Variants in KCNAB1 observed in about 807,000 individuals in gnomAD.
KCNAB1 encodes the protein potassium voltage-gated channel subfamily A regulatory beta subunit 1, also known as voltage-gated potassium channel subunit beta-1.
KCNAB1 carries 35 observed loss-of-function variants against 64.6 expected under a neutral mutation model. The observed-to-expected ratio is 0.54, with a 90% CI of 0.41 to 0.72. The LOEUF (loss-of-function observed/expected upper bound fraction) is 0.72, where lower values mean the gene tolerates loss of function less well. Among genes scored for constraint, KCNAB1 ranks in the 30% least tolerant of loss-of-function variants. The probability of loss-of-function intolerance (pLI) is 0.00; values close to 1 mark genes in which losing one functional copy is unlikely to be tolerated. For synonymous variants in KCNAB1, 177 were observed against 183.8 expected, an observed-to-expected ratio of 0.96 and a Z score of 0.30; for missense variants, 401 against 512.9, an observed-to-expected ratio of 0.78 and a Z score of 2.11.
chr3:156,118,844 G>A (rs910793828), upstream of KCNAB1, among the ~76,000 whole-genome samples: 153 of 152,260 alleles, frequency 1.0e-3, no homozygotes, highest in African/African-American at 2.6e-3. Flanking sequence ...TCTACACTTC[G>A]GGGAGTCTAG....
chr3:156,147,937 C>T (rs1033310392), intron 1 of KCNAB1, among the ~76,000 whole-genome samples: 3 of 72,358 alleles, frequency 4.1e-5, no homozygotes, highest in African/African-American at 1.8e-4. Context: ...CACCACATGC[C>T]AAGACACACA....
At chr3:156,466,116 T>G (rs1260613237) in intron 7 of KCNAB1, among the ~76,000 whole-genome samples, 1 of 152,080 alleles carries the variant, frequency 6.6e-6, no homozygotes, top group Non-Finnish European at 1.5e-5. Context: ...TTATACCCAC[T>G]AGAAGACACT....
At chr3:156,514,728 A>T (rs957997463) in intron 9 of KCNAB1, among the ~76,000 whole-genome samples, 1 of 152,222 alleles carries the variant, frequency 6.6e-6, no homozygotes, top group Non-Finnish European at 1.5e-5. Context: ...CTTATAAAAA[A>T]CTGTATTAAC....
intron 7 of KCNAB1, among the ~76,000 whole-genome samples, chr3:156,473,346 C>G (rs1384011788): frequency 6.6e-6 from 1 of 152,170 alleles, no homozygotes; most frequent in Admixed American, 6.5e-5. Context: ...TCCGACCTTT[C>G]AAACCTTGTG....
At chr3:156,255,565 C>T (rs969555461) in intron 1 of KCNAB1, among the ~76,000 whole-genome samples, 5 of 152,174 alleles carry the variant, frequency 3.3e-5, no homozygotes, top group African/African-American at 1.2e-4. Flanking sequence ...ACCACTCCCT[C>T]GGAATGCCCC....
intron 13 of KCNAB1, among the ~76,000 whole-genome samples, chr3:156,534,664 C>G (rs2108431639): frequency 6.6e-6 from 1 of 152,270 alleles, no homozygotes; most frequent in African/African-American, 2.4e-5. Context: ...ACTCCATCCC[C>G]AAGTTCCAGA....
At chr3:156,256,137 T>G (rs1718086763) in intron 1 of KCNAB1, among the ~76,000 whole-genome samples, 1 of 152,230 alleles carries the variant, frequency 6.6e-6, no homozygotes, top group African/African-American at 2.4e-5. Flanking sequence ...GTTTGTTTCT[T>G]TAGGTTTTTT....
At chr3:156,476,547 GCA>G (rs1187608350) in intron 8 of KCNAB1, among the ~76,000 whole-genome samples, 80 of 120,920 alleles carry the variant, frequency 6.6e-4, no homozygotes, top group African/African-American at 1.3e-3. Flanking sequence ...ACACACACAC[GCA>G]CACACACACA....
intron 1 of KCNAB1, among the ~76,000 whole-genome samples, chr3:156,262,064 T>G (rs1406443831): frequency 6.6e-6 from 1 of 151,996 alleles, no homozygotes. Context: ...TCTGTGATCT[T>G]GTTAAATTCA....
At chr3:156,137,800 C>T (rs922418844) in intron 1 of KCNAB1, among the ~76,000 whole-genome samples, 1 of 151,650 alleles carries the variant, frequency 6.6e-6, no homozygotes. Context: ...AGATGATCCA[C>T]CTACCTCGGC....
rs907096769 is a variant in KCNAB1, at chr3:156,463,802, G to A, written c.527+56G>A. 1.8e-5 allele frequency: 25 copies of A among 1,360,402 alleles called. No homozygotes were observed. In the African/African-American group the frequency reaches 3.7e-4, roughly 20 times the overall value. 84.3% of individuals were successfully genotyped at this position (1,360,402 alleles called of 1,614,324 possible). The stretch of plus-strand genomic sequence containing the variant: ...AACTAGTAGTTCATGCTTTTTTGCT[G>A]TTAGGCAGTTATTTTACATATAACG... On this transcript the variant is annotated intron_variant, in intron 6 of 13. Coordinates refer to ENST00000490337, the MANE Select transcript of KCNAB1 (RefSeq NM_172160.3).
chr3:156,220,978 T>C (rs1715690198), intron 1 of KCNAB1, among the ~76,000 whole-genome samples: 1 of 152,246 alleles, frequency 6.6e-6, no homozygotes, highest in Non-Finnish European at 1.5e-5. Context: ...TAGGGAATCC[T>C]TTCCCCATTG....
At chr3:156,429,898 G>A (rs1004623045) in intron 2 of KCNAB1, among the ~76,000 whole-genome samples, 3 of 152,142 alleles carry the variant, frequency 2.0e-5, no homozygotes. Flanking sequence ...AGTTTAAATG[G>A]TGTATGAATA....
chr3:156,471,623 G>A (rs1189113408), intron 7 of KCNAB1, among the ~76,000 whole-genome samples: 1 of 152,216 alleles, frequency 6.6e-6, no homozygotes, highest in Non-Finnish European at 1.5e-5. Context: ...CCCTTCTGGA[G>A]CCAAGGTTAA....
intron 1 of KCNAB1, chr3:156,292,155 G>A (rs755293695): frequency 1.2e-6 from 2 of 1,611,126 alleles, no homozygotes; most frequent in African/African-American, 1.3e-5. Flanking sequence ...CCCTCTGTGC[G>A]GGGTATCCAG....
At chr3:156,249,589 A>G (rs1717696084) in intron 1 of KCNAB1, among the ~76,000 whole-genome samples, 1 of 151,954 alleles carries the variant, frequency 6.6e-6, no homozygotes, top group Non-Finnish European at 1.5e-5. Flanking sequence ...AGAAAAAAAA[A>G]GAAAAAAAAG....
At chr3:156,233,416 G>T (rs575363687) in intron 1 of KCNAB1, among the ~76,000 whole-genome samples, 2 of 152,314 alleles carry the variant, frequency 1.3e-5, no homozygotes, top group South Asian at 4.1e-4. Context: ...GGAAACAGGA[G>T]TGTGTCCAAT....
intron 1 of KCNAB1, among the ~76,000 whole-genome samples, chr3:156,156,603 A>G (rs1459042558): frequency 1.3e-5 from 2 of 152,228 alleles, no homozygotes; most frequent in Admixed American, 1.3e-4. Flanking sequence ...TAAAGGGAAT[A>G]CTTAAAGATG....
intron 1 of KCNAB1, among the ~76,000 whole-genome samples, chr3:156,237,798 C>T (rs559492860): frequency 6.6e-6 from 1 of 151,958 alleles, no homozygotes; most frequent in Non-Finnish European, 1.5e-5. Context: ...TCCTGATCTT[C>T]TTTTTTACCT....
Sources: allele counts gnomAD v4.1 joint callset (sites outside exome capture counted in the v4.1 genomes callset), GRCh38; gene constraint gnomAD v4.1.1; transcripts MANE v1.5; gene names NCBI Gene and HGNC (gene_info 2026-07-23, HGNC 2026-07-21).